ACOT1: variants seen among roughly 807,000 people sequenced by gnomAD.
ACOT1 encodes acyl-coenzyme A thioesterase 1.
In ACOT1, 8 loss-of-function variants were observed where a neutral mutation model predicts 15.7. The ratio of observed to expected loss-of-function variants is 0.51; its 90% CI spans 0.30 to 0.92. The LOEUF (loss-of-function observed/expected upper bound fraction) is 0.92, where lower values mean the gene tolerates loss of function less well. ACOT1 is among the 40% of genes least tolerant of loss of function. ACOT1 has a pLI of 0.06. For synonymous variants in ACOT1, 67 were observed against 241.2 expected, an observed-to-expected ratio of 0.28 and a Z score of 6.69; for missense variants, 151 against 539.4, an observed-to-expected ratio of 0.28 and a Z score of 7.13.
At chr14:73,518,017 C>T in the ACOT1 span, among the ~76,000 whole-genome samples, 3 of 152,130 alleles carry the variant, frequency 2.0e-5, no homozygotes, top group Non-Finnish European at 4.4e-5. Flanking sequence ...ACCCAGGAGG[C>T]GGAGGTTGCA....
chr14:73,514,673 T>TA, the ACOT1 span, among the ~76,000 whole-genome samples: 1 of 152,324 alleles, frequency 6.6e-6, no homozygotes, highest in East Asian at 1.9e-4. Context: ...ATAATAGTGC[T>TA]ATAAGCTGTG....
chr14:73,522,606 C>T, the ACOT1 span: 1 of 1,614,240 alleles, frequency 6.2e-7, no homozygotes, highest in Non-Finnish European at 8.5e-7. Flanking sequence ...TCCAGGTTCA[C>T]ATCTAGAGAA....
chr14:73,507,039 G>A, the ACOT1 span, among the ~76,000 whole-genome samples: 1 of 151,966 alleles, frequency 6.6e-6, no homozygotes, highest in Non-Finnish European at 1.5e-5. Context: ...CTGACCTCAG[G>A]TGATCTGCCT....
At chr14:73,513,247 T>A in the ACOT1 span, among the ~76,000 whole-genome samples, 1 of 152,104 alleles carries the variant, frequency 6.6e-6, no homozygotes, top group African/African-American at 2.4e-5. Context: ...TCACCTGAAG[T>A]CAGGAGTTCG....
At position 73,537,879 on chromosome 14, in the gene ACOT1, G is replaced by T. The variant is rs749676526; in HGVS notation, c.457+1G>T. 5.7e-5 allele frequency: 68 copies of T among 1,193,786 alleles called. 21 individuals are homozygous for T. Among genetic ancestry groups the T allele is most frequent in the Non-Finnish European group, 7.3e-5 (67 of 917,058 alleles). 73.9% of individuals were successfully genotyped at this position (1,193,786 alleles called of 1,614,324 possible). On this transcript the variant is annotated splice_donor_variant, in intron 1 of 2. Transcript: ENST00000311148. LOFTEE classifies it high-confidence loss of function. ...CGAGGCACGCTCTTCCTGCCGCCAG[G>T]TGACTCACCTCCGCTAATTGTTCCC...
the ACOT1 span, chr14:73,530,126 C>T: frequency 2.2e-5 from 2 of 90,866 alleles, no homozygotes; most frequent in Non-Finnish European, 5.1e-5. Context: ...CCATGCCTGG[C>T]TAATGTTTTA....
the ACOT1 span, among the ~76,000 whole-genome samples, chr14:73,515,290 G>C: frequency 1.3e-5 from 2 of 152,138 alleles, no homozygotes; most frequent in South Asian, 4.2e-4. Context: ...TTTTTTCCAA[G>C]ATTTCATTCT....
chr14:73,509,395 C>T, the ACOT1 span: 16 of 1,613,942 alleles, frequency 9.9e-6, no homozygotes, highest in African/African-American at 1.1e-4. Flanking sequence ...TGCTGCCATC[C>T]GCACATGGGC....
At chr14:73,505,888 TTC>T in the ACOT1 span, among the ~76,000 whole-genome samples, 1 of 130,838 alleles carries the variant, frequency 7.6e-6, no homozygotes, top group Non-Finnish European at 1.7e-5. Flanking sequence ...CTATAAACGT[TTC>T]TTTTTTTTTT....
At chr14:73,511,267 CT>C in the ACOT1 span, among the ~76,000 whole-genome samples, 1 of 151,560 alleles carries the variant, frequency 6.6e-6, no homozygotes, top group Non-Finnish European at 1.5e-5. Flanking sequence ...AATCCCAGCA[CT>C]TTGGGAGGCT....
the ACOT1 span, chr14:73,506,428 C>G: frequency 6.7e-7 from 1 of 1,493,434 alleles, no homozygotes; most frequent in Non-Finnish European, 9.3e-7. Context: ...CTCAGCCTCT[C>G]TTAGGCTTTC....
In ACOT1 at chr14:73,543,751, T is replaced by C; in HGVS notation, c.*96T>C. 1 of 747,906 alleles carries C rather than the reference T, an allele frequency of 1.3e-6. No individual in the cohort carries two copies. Among genetic ancestry groups the C allele is most frequent in the Non-Finnish European group, 1.8e-6 (1 of 558,074 alleles). 46.3% of individuals were successfully genotyped at this position (747,906 alleles called of 1,614,324 possible). A position where few individuals can be genotyped will look rare whatever the true frequency, so the allele number is the denominator to read the frequency against. On this transcript the variant is annotated 3_prime_UTR_variant, in exon 3 of 3. Transcript: ENST00000311148. ...ATGTGTATTCATTCTTTCTCATAACTTCTTAAAGTTTCTTCCCCTCATTAT... is the reference window on the plus strand; with the variant it reads ...ATGTGTATTCATTCTTTCTCATAACCTCTTAAAGTTTCTTCCCCTCATTAT...
the ACOT1 span, chr14:73,523,358 C>A: frequency 5.4e-6 from 3 of 552,964 alleles, no homozygotes; most frequent in African/African-American, 5.6e-5. Flanking sequence ...GTTAGAAGAA[C>A]AAAAGAAGAA....
chr14:73,532,854 C>T (rs1888749670), upstream of ACOT1, among the ~76,000 whole-genome samples: 1 of 113,292 alleles, frequency 8.8e-6, no homozygotes, highest in Non-Finnish European at 1.9e-5. Flanking sequence ...TACTTGGAGG[C>T]TGAGGCAGGA....
At chr14:73,517,185 G>A in the ACOT1 span, 1 of 152,220 alleles carries the variant, frequency 6.6e-6, no homozygotes. Flanking sequence ...TCAGCCTCGC[G>A]AGTGGCTGGG....
At chr14:73,502,866 A>G in the ACOT1 span, 9 of 1,521,598 alleles carry the variant, frequency 5.9e-6, no homozygotes, top group South Asian at 1.1e-5. Flanking sequence ...AATTTAGAAG[A>G]GTGTCTCCTC....
chr14:73,498,373 T>C, the ACOT1 span: 1 of 1,548,808 alleles, frequency 6.5e-7, no homozygotes, highest in South Asian at 1.2e-5. Flanking sequence ...AGCATGTCAC[T>C]GAAGACTGAG....
the ACOT1 span, among the ~76,000 whole-genome samples, chr14:73,513,341 C>T: frequency 5.3e-5 from 8 of 151,860 alleles, no homozygotes; most frequent in African/African-American, 1.7e-4. Context: ...TGCCTATAGT[C>T]CCAGCTACTT....
the ACOT1 span, among the ~76,000 whole-genome samples, chr14:73,504,964 C>G: frequency 3.3e-5 from 5 of 152,178 alleles, no homozygotes; most frequent in Non-Finnish European, 7.4e-5. Flanking sequence ...TGGAGTCTCG[C>G]TCTGTCGCCC....
Sources: allele counts gnomAD v4.1 joint callset (sites outside exome capture counted in the v4.1 genomes callset), GRCh38; gene constraint gnomAD v4.1.1; transcripts MANE v1.5; gene names NCBI Gene and HGNC (gene_info 2026-07-23, HGNC 2026-07-21).